Variants in ALS2 observed in about 807,000 individuals in gnomAD.
The protein encoded by ALS2 is alsin.
A neutral mutation model predicts 203.4 loss-of-function variants in ALS2; 117 were observed. The observed-to-expected ratio is 0.58, with a 90% CI of 0.50 to 0.67. The LOEUF is 0.67. Ranked by LOEUF, ALS2 falls within the 30% of genes least tolerant of loss-of-function variation. The pLI is 0.00. For missense variants in ALS2, 1,715 were observed against 1,989.4 expected (o/e 0.86, Z 2.62); for synonymous variants, 718 against 725.9 (o/e 0.99, Z 0.17).
At position 201,704,120 on chromosome 2, in the gene ALS2, A is replaced by T; in HGVS notation, c.4935+2T>A. ...AAAGTATTAAATAATAACTATACTC[A>T]CCTTCAAGGTGGTGAACATTATACC... is the stretch of plus-strand genomic sequence containing the variant. On this transcript the variant is annotated splice_donor_variant, in intron 33 of 33. Transcript: ENST00000264276. LOFTEE classifies it high-confidence loss of function. 6.2e-7 allele frequency: 1 copy of T among 1,605,536 alleles called. No individual in the cohort carries two copies. Among genetic ancestry groups the T allele is most frequent in the African/African-American group, 1.3e-5 (1 of 74,890 alleles).
At chr2:201,764,828 T>C (rs1430799446) in intron 3 of ALS2, among the ~76,000 whole-genome samples, 2 of 152,158 alleles carry the variant, frequency 1.3e-5, no homozygotes, top group Admixed American at 6.5e-5. Flanking sequence ...ATTTCAAACA[T>C]ACACTTGTGT....
chr2:201,758,166 T>C (rs1041641968), intron 4 of ALS2, among the ~76,000 whole-genome samples: 1 of 152,078 alleles, frequency 6.6e-6, no homozygotes, highest in Non-Finnish European at 1.5e-5. Flanking sequence ...TATTGATCCC[T>C]TTCAGGAAAA....
chr2:201,731,777 A>T (rs1392909702), intron 13 of ALS2, among the ~76,000 whole-genome samples: 3 of 152,202 alleles, frequency 2.0e-5, no homozygotes, highest in Non-Finnish European at 4.4e-5. Flanking sequence ...CATTGATATA[A>T]CATGAGAAGT....
At chr2:201,730,119 T>C (rs866929576) in intron 13 of ALS2, among the ~76,000 whole-genome samples, 1 of 152,204 alleles carries the variant, frequency 6.6e-6, no homozygotes, top group African/African-American at 2.4e-5. Flanking sequence ...TAAATGTGGA[T>C]ATTCTCCTTT....
intron 1 of ALS2, among the ~76,000 whole-genome samples, chr2:201,774,614 C>A (rs1694572181): frequency 6.6e-6 from 1 of 151,982 alleles, no homozygotes; most frequent in South Asian, 2.1e-4. Context: ...CATGCAGGAT[C>A]CTATGTATTC....
chr2:201,752,121 G>A (rs1032826604), intron 7 of ALS2, among the ~76,000 whole-genome samples: 1 of 151,970 alleles, frequency 6.6e-6, no homozygotes, highest in Non-Finnish European at 1.5e-5. Context: ...GGAATATTTT[G>A]GGGACTGTAC....
rs1030132783 is a variant in ALS2, at chr2:201,749,592, A to G, written c.1815+120T>C. On this transcript the variant is annotated intron_variant, in intron 8 of 33. Coordinates refer to ENST00000264276, the MANE Select transcript of ALS2 (RefSeq NM_020919.4). ...TTTTAAAAATTTTCTTATGAAAACC[A>G]AAACAAATTTAGGTTGTACGTATGA... The G allele has an allele frequency of 4.0e-6, 4 of 1,011,524 alleles. No individual in the cohort carries two copies. In the Admixed American group the frequency reaches 9.1e-5, roughly 23 times the overall value. 62.7% of individuals were successfully genotyped at this position (1,011,524 alleles called of 1,614,324 possible).
chr2:201,737,767 C>T (rs1263231916), intron 12 of ALS2, among the ~76,000 whole-genome samples: 2 of 152,008 alleles, frequency 1.3e-5, no homozygotes, highest in Non-Finnish European at 2.9e-5. Flanking sequence ...ACTAAAAGTA[C>T]AAAAATTAGT....
chr2:201,723,266 A>T (rs1253035235), intron 22 of ALS2, 64 bp downstream of exon 22: 3 of 1,459,152 alleles, frequency 2.1e-6, no homozygotes, highest in Non-Finnish European at 2.9e-6. Context: ...AAGATGATTT[A>T]AAAAGTTAAG....
chr2:201,754,889 A>G (rs1331856829), intron 5 of ALS2, among the ~76,000 whole-genome samples: 3 of 152,204 alleles, frequency 2.0e-5, no homozygotes, highest in Non-Finnish European at 4.4e-5. Context: ...CTCTGCAGAG[A>G]TTCACACACA....
rs1455436613 is a variant in ALS2 at position 201,761,481 on chromosome 2, A to G, written c.513T>C (p.Ile171=). The part of the protein sequence containing the change: ...HTLALSISRE[I]WAWGTGCQLG... ...ACTGACAACCGGTACCCCATGCCCA[A>G]ATCTCTCTGCTTATTGACAATGCCA... The change falls in exon 4 of 34, where the codon ATT becomes ATC. Residue 171 remains isoleucine, a synonymous_variant. Transcript: ENST00000264276. 1 of 1,609,582 alleles carries G rather than the reference A, an allele frequency of 6.2e-7. No homozygotes were observed. Among genetic ancestry groups the G allele is most frequent in the South Asian group, 1.1e-5 (1 of 91,030 alleles).
intron 6 of ALS2, 108 bp from the exon 7 acceptor site, chr2:201,753,350 A>G: frequency 1.1e-6 from 1 of 878,122 alleles, no homozygotes; most frequent in Non-Finnish European, 1.9e-6. Context: ...TTTCTAAAGA[A>G]AACATTAAAA....
chr2:201,759,020 C>T (rs911069219), intron 4 of ALS2, among the ~76,000 whole-genome samples: 1 of 152,140 alleles, frequency 6.6e-6, no homozygotes, highest in African/African-American at 2.4e-5. Flanking sequence ...CCCACGATAG[C>T]TTGTTCAGAA....
rs1489237070 is a variant in ALS2, at chr2:201,768,960, T to A, written c.-60-15A>T. The A allele has an allele frequency of 5.0e-6, 7 of 1,397,344 alleles. No individual in the cohort carries two copies. The highest frequency in any genetic ancestry group is 2.9e-5 in the African/African-American group (2 of 68,310). 86.6% of individuals were successfully genotyped at this position (1,397,344 alleles called of 1,614,324 possible). ...TCTATCAAGACCTAAACAGTACAAG[T>A]AAGGAAAAGAGCAGTAAAAGAATAT... On this transcript the variant is annotated splice_polypyrimidine_tract_variant and intron_variant, in intron 1 of 33. Coordinates refer to ENST00000264276, the MANE Select transcript of ALS2 (RefSeq NM_020919.4).
intron 12 of ALS2, among the ~76,000 whole-genome samples, chr2:201,735,301 G>A (rs951813936): frequency 1.3e-5 from 2 of 152,042 alleles, no homozygotes; most frequent in African/African-American, 4.8e-5. Flanking sequence ...ACAACATTGC[G>A]AATGTATTTG....
chr2:201,722,855 T>G (rs964215228), intron 23 of ALS2, 188 bp downstream of exon 23: 4 of 591,010 alleles, frequency 6.8e-6, no homozygotes, highest in African/African-American at 1.9e-5. Context: ...AGGGATTTTC[T>G]TGGGCGATGG....
chr2:201,735,625 C>T (rs1463201001), intron 12 of ALS2, among the ~76,000 whole-genome samples: 1 of 152,248 alleles, frequency 6.6e-6, no homozygotes, highest in Non-Finnish European at 1.5e-5. Flanking sequence ...GATGTCATTG[C>T]TGCCTTTAAC....
At chr2:201,708,801 C>T (rs1431020581) in intron 27 of ALS2, among the ~76,000 whole-genome samples, 1 of 151,920 alleles carries the variant, frequency 6.6e-6, no homozygotes, top group African/African-American at 2.4e-5. Flanking sequence ...AAATTTTGAC[C>T]CTTTAAAGGC....
At chr2:201,777,981 T>A (rs1694732992) in intron 1 of ALS2, among the ~76,000 whole-genome samples, 1 of 152,206 alleles carries the variant, frequency 6.6e-6, no homozygotes, top group Non-Finnish European at 1.5e-5. Context: ...CTCTACTTTA[T>A]TGCTCTTTTA....
Sources: allele counts gnomAD v4.1 joint callset (sites outside exome capture counted in the v4.1 genomes callset), GRCh38; gene constraint gnomAD v4.1.1; transcripts MANE v1.5; gene names NCBI Gene and HGNC (gene_info 2026-07-23, HGNC 2026-07-21).